Variants in ABR observed in about 807,000 individuals in gnomAD.
ABR encodes the protein ABR activator of RhoGEF and GTPase.
A neutral mutation model predicts 107.2 loss-of-function variants in ABR; 35 were observed. That is an observed-to-expected ratio of 0.33 (90% CI 0.25 to 0.43). The LOEUF (loss-of-function observed/expected upper bound fraction) is 0.43. Among genes scored for constraint, ABR ranks in the 20% least tolerant of loss-of-function variants. ABR has a pLI of 1.00. For synonymous variants in ABR, 498 were observed against 462.0 expected, an observed-to-expected ratio of 1.08 and a Z score of -1.00; for missense variants, 815 against 1,115.2, an observed-to-expected ratio of 0.73 and a Z score of 3.83.
intron 1 of ABR, among the ~76,000 whole-genome samples, chr17:1,126,720 T>G (rs1334783146): frequency 6.6e-6 from 1 of 152,174 alleles, no homozygotes; most frequent in Admixed American, 6.5e-5. Flanking sequence ...TTCCTCCAGG[T>G]CACCCTCCCC....
intron 2 of ABR, among the ~76,000 whole-genome samples, chr17:1,123,530 G>A (rs559729509): frequency 3.6e-4 from 55 of 152,312 alleles, no homozygotes; most frequent in African/African-American, 1.1e-3. Context: ...CGACGGACAC[G>A]GAAACCAGTC....
Position 1,036,123 on chromosome 17 carries a change from C to CCT in ABR, c.1791+13926_1791+13927insAG, listed in dbSNP as rs574594661. Among the ~76,000 whole-genome samples the CCT allele has an allele frequency of 3.1e-3, 476 of 152,124 alleles. 2 individuals are homozygous for CCT. Among genetic ancestry groups the CCT allele is most frequent in the African/African-American group, 0.011 (457 of 41,518 alleles). ...CTTTCCTGGAGTGACCTCCTTTTTC[C>CCT]CACCAGAACGACGCTCCTCTCCCCC... On this transcript the variant is annotated intron_variant, in intron 16 of 22. Coordinates refer to ENST00000302538, the MANE Select transcript of ABR (RefSeq NM_021962.5).
intron 1 of ABR, among the ~76,000 whole-genome samples, chr17:1,201,777 C>T (rs984109548): frequency 5.3e-5 from 8 of 152,040 alleles, no homozygotes; most frequent in East Asian, 3.9e-4. Flanking sequence ...CCCACGTTCA[C>T]GCCATTCTCC....
At chr17:1,106,294 A>G (rs1211279728) in intron 2 of ABR, among the ~76,000 whole-genome samples, 1 of 152,122 alleles carries the variant, frequency 6.6e-6, no homozygotes, top group African/African-American at 2.4e-5. Context: ...TGCTTAAGGT[A>G]AGTACCCCTA....
intron 14 of ABR, among the ~76,000 whole-genome samples, chr17:1,053,848 C>T (rs1407221324): frequency 1.3e-5 from 2 of 151,902 alleles, no homozygotes; most frequent in Non-Finnish European, 2.9e-5. Flanking sequence ...GTGGTGGCGC[C>T]TGGTCCAGAC....
intron 1 of ABR, among the ~76,000 whole-genome samples, chr17:1,222,443 C>T (rs926334086): frequency 5.3e-5 from 8 of 152,128 alleles, no homozygotes; most frequent in African/African-American, 1.9e-4. Flanking sequence ...GCTGAAAATT[C>T]AATCCTTCAA....
intron 1 of ABR, among the ~76,000 whole-genome samples, chr17:1,211,239 A>T (rs985340979): frequency 9.2e-5 from 14 of 152,096 alleles, no homozygotes; most frequent in African/African-American, 3.4e-4. Context: ...AAATCTCTCC[A>T]CTTCTTTCCA....
intron 1 of ABR, among the ~76,000 whole-genome samples, chr17:1,172,532 C>CCT (rs2041754206): frequency 6.6e-6 from 1 of 152,086 alleles, no homozygotes; most frequent in Non-Finnish European, 1.5e-5. Flanking sequence ...GGGTGGATCA[C>CCT]GAGGTCACGA....
intron 6 of ABR, among the ~76,000 whole-genome samples, chr17:1,074,805 G>A (rs768598696): frequency 6.6e-6 from 1 of 152,206 alleles, no homozygotes; most frequent in Non-Finnish European, 1.5e-5. Flanking sequence ...AATTAGCCAG[G>A]CGTGGTGGCA....
At chr17:1,097,184 C>T (rs1001338443) in intron 3 of ABR, among the ~76,000 whole-genome samples, 1 of 152,156 alleles carries the variant, frequency 6.6e-6, no homozygotes, top group East Asian at 1.9e-4. Flanking sequence ...ACAGGCGCCA[C>T]TCCCTCCTTC....
intron 4 of ABR, among the ~76,000 whole-genome samples, chr17:1,087,177 C>T (rs1298602674): frequency 6.6e-6 from 1 of 152,226 alleles, no homozygotes; most frequent in Non-Finnish European, 1.5e-5. Flanking sequence ...GATACAGCTG[C>T]TGCCTGGCTT....
chr17:1,181,476 G>A (rs2042132242), upstream of ABR, among the ~76,000 whole-genome samples: 1 of 152,118 alleles, frequency 6.6e-6, no homozygotes, highest in South Asian at 2.1e-4. Flanking sequence ...AATCCTCCTG[G>A]CTCAGGCACC....
rs929287263 is a variant in ABR, at chr17:1,071,601, C to T, written c.894+1013G>A. On this transcript the variant is annotated intron_variant, in intron 8 of 22. Coordinates refer to ENST00000302538, the MANE Select transcript of ABR (RefSeq NM_021962.5). The surrounding 1 kb of genome is among the most constrained non-coding windows in gnomAD (Gnocchi z 5.1). Reference sequence around the variant, plus strand: ...CCACTGGACATTCCGGCAACCTGGACGGCCTCCACCACCTCCAACGCCAGC... The same window carrying T: ...CCACTGGACATTCCGGCAACCTGGATGGCCTCCACCACCTCCAACGCCAGC... Among the ~76,000 whole-genome samples, 7 of 152,222 alleles carry T rather than the reference C, an allele frequency of 4.6e-5. No homozygotes were observed. Among genetic ancestry groups the T allele is most frequent in the Admixed American group, 6.5e-5 (1 of 15,284 alleles).
At chr17:1,100,608 G>C (rs1014335460) in intron 3 of ABR, 29 bp downstream of exon 3, 2 of 1,598,018 alleles carry the variant, frequency 1.3e-6, no homozygotes, top group Admixed American at 1.7e-5. Flanking sequence ...GGGGGGACCG[G>C]AAGGCCCCAG....
At chr17:1,220,838 G>A (rs559311230) in intron 1 of ABR, among the ~76,000 whole-genome samples, 9 of 152,168 alleles carry the variant, frequency 5.9e-5, no homozygotes, top group African/African-American at 1.7e-4. Flanking sequence ...ATCGAGTGCC[G>A]GCCATGAGCC....
rs72477065 is a variant in ABR, at chr17:1,157,223, A to T, written c.61+22444T>A. On this transcript the variant is annotated intron_variant, in intron 1 of 22. Coordinates refer to ENST00000302538, the MANE Select transcript of ABR (RefSeq NM_021962.5). The surrounding 1 kb of genome is among the most constrained non-coding windows in gnomAD (Gnocchi z 4.7). ...CAGACACTACCCTCTCTTGCTACTAAGTCAGTCGTGCTACAGCGCACATTA... is the reference window on the plus strand; with the variant it reads ...CAGACACTACCCTCTCTTGCTACTATGTCAGTCGTGCTACAGCGCACATTA... 8.0e-4 allele frequency among the ~76,000 whole-genome samples: 122 copies of T among 151,770 alleles called. 2 individuals are homozygous for T. In the East Asian group the frequency reaches 0.017, roughly 21 times the overall value.
chr17:1,163,337 T>A (rs1471827988), intron 1 of ABR, among the ~76,000 whole-genome samples: 3 of 152,222 alleles, frequency 2.0e-5, no homozygotes. Flanking sequence ...ATCTCAATGT[T>A]TCTGTGACAA....
In ABR at chr17:1,051,035, C is replaced by T. The variant is rs1005675649; in HGVS notation, c.1562-401G>A. 2.0e-5 allele frequency among the ~76,000 whole-genome samples: 3 copies of T among 152,128 alleles called. No individual in the cohort carries two copies. Among genetic ancestry groups the T allele is most frequent in the South Asian group, 2.1e-4 (1 of 4,834 alleles). ...ACGACACCACAAACTCTTCACTGACCGCCCTGGAGCCACCTCTCCCCGTAA... is the reference window on the plus strand; with the variant it reads ...ACGACACCACAAACTCTTCACTGACTGCCCTGGAGCCACCTCTCCCCGTAA... On this transcript the variant is annotated intron_variant, in intron 14 of 22. Transcript: ENST00000302538. This position sits in a 1 kb window ranked among gnomAD's most constrained non-coding sequence, Gnocchi z 4.3.
chr17:1,158,744 C>G (rs959761940), intron 1 of ABR, among the ~76,000 whole-genome samples: 1 of 151,210 alleles, frequency 6.6e-6, no homozygotes, highest in African/African-American at 2.4e-5. Flanking sequence ...GCCTGGGTGA[C>G]AGAGCAAGAC....
Sources: allele counts gnomAD v4.1 joint callset (sites outside exome capture counted in the v4.1 genomes callset), GRCh38; gene constraint gnomAD v4.1.1; non-coding constraint Gnocchi (gnomAD v3.1); transcripts MANE v1.5; gene names NCBI Gene and HGNC (gene_info 2026-07-23, HGNC 2026-07-21).